The following DOCK3 variants were observed in gnomAD, a reference collection of about 807,000 sequenced individuals.
DOCK3 encodes the protein dedicator of cytokinesis protein 3.
DOCK3 carries 60 observed loss-of-function variants against 265.6 expected under a neutral mutation model. The ratio of observed to expected loss-of-function variants is 0.23; its 90% confidence interval spans 0.18 to 0.28. The LOEUF (loss-of-function observed/expected upper bound fraction) is 0.28, where lower values mean the gene tolerates loss of function less well. DOCK3 is among the 10% of genes least tolerant of loss of function. The pLI is 1.00. For synonymous variants in DOCK3, 881 were observed against 938.0 expected (o/e 0.94, Z 1.11); for missense variants, 1,981 against 2,594.3 (o/e 0.76, Z 5.14).
In DOCK3 at chr3:51,186,539, A is replaced by T. The variant is rs537470929; in HGVS notation, c.1038-22235A>T. Among the ~76,000 whole-genome samples the T allele has an allele frequency of 2.6e-5, 4 of 152,324 alleles. No homozygotes were observed. The East Asian group carries it at 7.7e-4, about 29-fold the overall frequency. ...ATAAGTAATGAGGAGCTGAATGTTA[A>T]TCCCCAAGACAATGGGGAAAATGTC... On this transcript the variant is annotated intron_variant, in intron 12 of 52. Coordinates refer to ENST00000266037, the MANE Select transcript of DOCK3 (RefSeq NM_004947.5).
intron 37 of DOCK3, 135 bp downstream of exon 37, chr3:51,339,163 C>G: frequency 1.4e-6 from 1 of 702,366 alleles, no homozygotes; most frequent in Non-Finnish European, 2.2e-6. Context: ...TATCCCCTCA[C>G]CTCACTCATT....
intron 2 of DOCK3, among the ~76,000 whole-genome samples, chr3:50,799,708 T>C (rs2042976488): frequency 6.6e-6 from 1 of 152,178 alleles, no homozygotes; most frequent in Non-Finnish European, 1.5e-5. Flanking sequence ...TTTATTTTTC[T>C]TGCCTGATTG....
chr3:50,893,180 C>A, intron 4 of DOCK3: 3 of 220,192 alleles, frequency 1.4e-5, no homozygotes, highest in Non-Finnish European at 2.8e-5. Context: ...ATGTGCAGGC[C>A]CCAAAGCAAA....
chr3:50,797,798 A>G (rs982883208), intron 2 of DOCK3, among the ~76,000 whole-genome samples: 2 of 152,180 alleles, frequency 1.3e-5, no homozygotes, highest in Non-Finnish European at 2.9e-5. Flanking sequence ...TTTTTCATAC[A>G]TTTATTGGCC....
At chr3:51,007,179 G>A (rs374045418) in intron 5 of DOCK3, among the ~76,000 whole-genome samples, 17 of 152,276 alleles carry the variant, frequency 1.1e-4, no homozygotes, top group African/African-American at 4.1e-4. Context: ...TCTAGTTCTA[G>A]ATCCTTGAGG....
At chr3:50,850,584 C>T (rs555214863) in intron 3 of DOCK3, among the ~76,000 whole-genome samples, 2 of 152,092 alleles carry the variant, frequency 1.3e-5, no homozygotes, top group Admixed American at 1.3e-4. Context: ...GAATTCTTGC[C>T]CTGGTTCTTT....
chr3:50,712,159 C>T (rs1388685638), intron 1 of DOCK3, among the ~76,000 whole-genome samples: 1 of 152,102 alleles, frequency 6.6e-6, no homozygotes, highest in Non-Finnish European at 1.5e-5. Flanking sequence ...CCATTTATTT[C>T]CTTTACCTTA....
At chr3:51,128,390 C>G (rs1442113233) in intron 9 of DOCK3, among the ~76,000 whole-genome samples, 1 of 152,180 alleles carries the variant, frequency 6.6e-6, no homozygotes, top group Non-Finnish European at 1.5e-5. Context: ...ATTGTGACTT[C>G]AAAAGACTGT....
At chr3:51,302,744 GC>G in intron 27 of DOCK3, among the ~76,000 whole-genome samples, 1 of 152,116 alleles carries the variant, frequency 6.6e-6, no homozygotes, top group Non-Finnish European at 1.5e-5. Context: ...TTGAATATTG[GC>G]CCCCAATCTC....
Position 51,372,955 on chromosome 3 carries a change from C to A in DOCK3, c.5294-1514C>A, listed in dbSNP as rs117314581. Among the ~76,000 whole-genome samples the A allele has an allele frequency of 7.6e-4, 116 of 152,274 alleles. 2 individuals are homozygous for A. The East Asian group carries it at 0.022, about 29-fold the overall frequency. ...GCAATTCAGGTCGAGTTTTAAAAAT[C>A]ATATTTTAGTCATTCTCTTACAAGT... On this transcript the variant is annotated intron_variant, in intron 49 of 52. Coordinates refer to ENST00000266037, the MANE Select transcript of DOCK3 (RefSeq NM_004947.5).
intron 19 of DOCK3, among the ~76,000 whole-genome samples, chr3:51,233,943 C>G (rs550978819): frequency 1.4e-3 from 215 of 152,228 alleles, no homozygotes; most frequent in Non-Finnish European, 1.8e-4. Context: ...CAGACCTCTC[C>G]CATGTTCTGA....
At chr3:51,202,622 T>G (rs1324427543) in intron 12 of DOCK3, among the ~76,000 whole-genome samples, 1 of 152,128 alleles carries the variant, frequency 6.6e-6, no homozygotes, top group Non-Finnish European at 1.5e-5. Flanking sequence ...CTTCTGAAAC[T>G]ATTCCAAACA....
chr3:51,280,001 T>C (rs201369098), intron 26 of DOCK3, 105 bp from the exon 27 acceptor site: 72 of 819,656 alleles, frequency 8.8e-5, no homozygotes, highest in African/African-American at 2.2e-4. Flanking sequence ...TCCATGATCA[T>C]TGGGGCCATC....
At chr3:50,905,948 A>G (rs2049470229) in intron 4 of DOCK3, among the ~76,000 whole-genome samples, 4 of 151,906 alleles carry the variant, frequency 2.6e-5, no homozygotes, top group East Asian at 3.9e-4. Context: ...TCAATACCTA[A>G]TTTATTGAGA....
chr3:50,920,277 A>G (rs546129219), intron 4 of DOCK3, among the ~76,000 whole-genome samples: 109 of 152,288 alleles, frequency 7.2e-4, no homozygotes, highest in African/African-American at 2.6e-3. Flanking sequence ...TGAATTAGAG[A>G]GGATTCCATC....
intron 5 of DOCK3, among the ~76,000 whole-genome samples, chr3:50,940,616 G>C (rs1168351614): frequency 6.6e-6 from 1 of 151,980 alleles, no homozygotes; most frequent in Non-Finnish European, 1.5e-5. Context: ...GAATGCAAAA[G>C]AACTAAAACG....
chr3:50,886,559 T>A (rs1430857811), intron 3 of DOCK3, among the ~76,000 whole-genome samples: 1 of 59,288 alleles, frequency 1.7e-5, no homozygotes, highest in African/African-American at 6.8e-5. Context: ...CCCTCCCCCC[T>A]CCCCCCACCC....
In DOCK3 at chr3:51,356,398, T is replaced by C. The variant is rs1265054029; in HGVS notation, c.4417-9T>C. 6.2e-7 allele frequency: 1 copy of C among 1,612,922 alleles called. No homozygotes were observed. The highest frequency in any genetic ancestry group is 1.7e-5 in the Admixed American group (1 of 59,852). ...TAACTGCCCATACCTGCCTGTTCCC[T>C]CCCTACAGAGCCTGTGGATTGAACG... is the stretch of plus-strand genomic sequence containing the variant. On this transcript the variant is annotated splice_polypyrimidine_tract_variant and intron_variant, in intron 42 of 52. Transcript: ENST00000266037.
intron 10 of DOCK3, among the ~76,000 whole-genome samples, chr3:51,150,444 G>C (rs1402555151): frequency 1.3e-5 from 2 of 152,140 alleles, no homozygotes; most frequent in Non-Finnish European, 2.9e-5. Context: ...GTCAATTTTA[G>C]ATCTTTCCTG....
Sources: allele counts gnomAD v4.1 joint callset (sites outside exome capture counted in the v4.1 genomes callset), GRCh38; gene constraint gnomAD v4.1.1; transcripts MANE v1.5; gene names NCBI Gene and HGNC (gene_info 2026-07-23, HGNC 2026-07-21).